The following RB1CC1 variants were observed in gnomAD, a reference collection of about 807,000 sequenced individuals.
RB1CC1 encodes the protein RB1 inducible coiled-coil 1.
Under a neutral mutation model 177.5 loss-of-function variants are expected in RB1CC1, and 46 were observed. The observed-to-expected ratio is 0.26, with a 90% CI of 0.20 to 0.33. RB1CC1 has a LOEUF of 0.33. Among genes scored for constraint, RB1CC1 ranks in the 10% least tolerant of loss-of-function variants. The pLI is 1.00. For missense variants in RB1CC1, 1,703 were observed against 1,816.3 expected (o/e 0.94, Z 1.13); for synonymous variants, 666 against 613.6 (o/e 1.09, Z -1.26).
Position 52,668,145 on chromosome 8 carries a change from G to C in RB1CC1, c.1049C>G (p.Thr350Ser). 6.2e-7 allele frequency: 1 copy of C among 1,614,022 alleles called. No homozygotes were observed. Among genetic ancestry groups the C allele is most frequent in the South Asian group, 1.1e-5 (1 of 91,086 alleles). Residue 350 changes from threonine to serine, a missense_variant, in exon 8 of 24, where the codon ACT becomes AGT. Transcript: ENST00000025008. ...IRPFIAECRQ[T>S]IAKLDNQNMK... The stretch of plus-strand genomic sequence containing the variant: ...ATTCTGATTATCAAGTTTGGCAATA[G>C]TTTGACGGCATTCTGCTATAAATGG...
At chr8:52,669,541 G>A (rs772102679) in intron 7 of RB1CC1, among the ~76,000 whole-genome samples, 24 of 152,152 alleles carry the variant, frequency 1.6e-4, no homozygotes, top group Non-Finnish European at 3.2e-4. Flanking sequence ...GTGTAGTTAA[G>A]AGGGTGCATG....
At chr8:52,711,722 G>T (rs780247129) in intron 1 of RB1CC1, among the ~76,000 whole-genome samples, 3 of 152,212 alleles carry the variant, frequency 2.0e-5, no homozygotes, top group Non-Finnish European at 4.4e-5. Context: ...GAGCACATTA[G>T]TTTCCTTACT....
At chr8:52,672,829 G>T (rs1294464139) in intron 7 of RB1CC1, among the ~76,000 whole-genome samples, 1 of 152,110 alleles carries the variant, frequency 6.6e-6, no homozygotes, top group Non-Finnish European at 1.5e-5. Context: ...GGAATTTTCA[G>T]GCCACTACAT....
intron 1 of RB1CC1, among the ~76,000 whole-genome samples, chr8:52,696,916 T>C (rs1290850836): frequency 2.0e-5 from 3 of 151,932 alleles, no homozygotes; most frequent in African/African-American, 7.3e-5. Context: ...GGTGGGAGGA[T>C]TGTTTCAGCC....
intron 20 of RB1CC1, among the ~76,000 whole-genome samples, chr8:52,631,745 C>T (rs936964013): frequency 6.6e-6 from 1 of 152,174 alleles, no homozygotes; most frequent in Non-Finnish European, 1.5e-5. Context: ...CGTGCTCAGT[C>T]CTCTCTTGCT....
chr8:52,674,227 C>G lies in RB1CC1; in HGVS notation c.620G>C (p.Cys207Ser). 1 of 1,612,100 alleles carries G rather than the reference C, an allele frequency of 6.2e-7. No homozygotes were observed. Residue 207 changes from cysteine to serine, a missense_variant, in exon 7 of 24, where the codon TGC becomes TCC. Transcript: ENST00000025008. ...SVMAKIPLLE[C>S]LTRHSYRECL... Reference sequence around the variant, plus strand: ...TTCTCTGTAACTATGTCTGGTTAGGCACTCCAACAGTGGAATCTTGGCCAT... The same window carrying G: ...TTCTCTGTAACTATGTCTGGTTAGGGACTCCAACAGTGGAATCTTGGCCAT...
rs1172334575 is a variant in RB1CC1, at chr8:52,676,264, CAATA to C, written c.572+101_572+104del. The C allele has an allele frequency of 9.2e-6, 9 of 977,820 alleles. No individual in the cohort carries two copies. The East Asian group carries it at 1.2e-4, about 13-fold the overall frequency. 60.6% of individuals were successfully genotyped at this position (977,820 alleles called of 1,614,324 possible). On this transcript the variant is annotated intron_variant, in intron 6 of 23. Transcript: ENST00000025008. ...AGGCTCAAAGAATAAACCTCAGTTACAATAAATATATGGCCTATAAGAAACAAAT... is the reference window on the plus strand; with the variant it reads ...AGGCTCAAAGAATAAACCTCAGTTACAATATATGGCCTATAAGAAACAAAT...
intron 1 of RB1CC1, among the ~76,000 whole-genome samples, chr8:52,712,321 T>C (rs1324768476): frequency 1.3e-5 from 2 of 152,150 alleles, no homozygotes; most frequent in Non-Finnish European, 2.9e-5. Flanking sequence ...CTGCTGAATG[T>C]ATGATATAAA....
chr8:52,699,858 T>TATATATATATATATATATACACAC (rs756226534), intron 1 of RB1CC1, among the ~76,000 whole-genome samples: 3 of 102,790 alleles, frequency 2.9e-5, no homozygotes, highest in Admixed American at 1.1e-4. Flanking sequence ...TATATATATA[T>TATATATATATATATATATACACAC]ACACACAAAA....
chr8:52,630,303 C>T (rs1025144881), intron 21 of RB1CC1, among the ~76,000 whole-genome samples, 167 bp downstream of exon 21: 1 of 152,036 alleles, frequency 6.6e-6, no homozygotes, highest in East Asian at 1.9e-4. Flanking sequence ...TCCAGAATAA[C>T]AATTTAGAAA....
intron 15 of RB1CC1, among the ~76,000 whole-genome samples, chr8:52,650,517 C>T (rs1850474358): frequency 6.6e-6 from 1 of 152,206 alleles, no homozygotes; most frequent in Admixed American, 6.5e-5. Context: ...CACCAGATTA[C>T]TATCCAGTCT....
intron 11 of RB1CC1, 90 bp downstream of exon 11, chr8:52,660,836 G>C: frequency 8.5e-7 from 1 of 1,169,914 alleles, no homozygotes; most frequent in Non-Finnish European, 1.2e-6. Context: ...GCAATTAACA[G>C]CATATACATG....
chr8:52,695,584 T>G (rs763437698), intron 1 of RB1CC1, among the ~76,000 whole-genome samples: 3 of 152,180 alleles, frequency 2.0e-5, no homozygotes. Flanking sequence ...AGGTGAGTCA[T>G]GTGGACAGTA....
At chr8:52,686,425 G>A (rs552148646) in intron 2 of RB1CC1, among the ~76,000 whole-genome samples, 4 of 152,080 alleles carry the variant, frequency 2.6e-5, no homozygotes, top group Non-Finnish European at 5.9e-5. Flanking sequence ...GCATGCCTGT[G>A]GTCCTAGCAA....
intron 15 of RB1CC1, among the ~76,000 whole-genome samples, chr8:52,647,936 G>A (rs1850202446): frequency 6.6e-6 from 1 of 152,102 alleles, no homozygotes. Context: ...AATTGTACTA[G>A]AAAAAGTGTG....
intron 21 of RB1CC1, 25 bp from the exon 22 acceptor site, chr8:52,628,193 T>G (rs776676207): frequency 2.5e-6 from 4 of 1,597,822 alleles, no homozygotes; most frequent in Non-Finnish European, 3.4e-6. Context: ...GCAATTTTAT[T>G]GACTTAGAGT....
At chr8:52,708,511 G>C (rs113799595) in intron 1 of RB1CC1, among the ~76,000 whole-genome samples, 7 of 150,950 alleles carry the variant, frequency 4.6e-5, no homozygotes, top group African/African-American at 1.7e-4. Context: ...AGCGAGACTC[G>C]TCTCAAAAAC....
chr8:52,687,922 A>T (rs187626089), intron 1 of RB1CC1, among the ~76,000 whole-genome samples: 1 of 152,356 alleles, frequency 6.6e-6, no homozygotes, highest in Admixed American at 6.5e-5. Context: ...TTGTTGTGGG[A>T]AGTCAGGGAC....
rs1848151246 is a variant in RB1CC1, at chr8:52,622,903, TTTA to T, written c.*876_*878del. On this transcript the variant is annotated 3_prime_UTR_variant, in exon 24 of 24. Transcript: ENST00000025008. The stretch of plus-strand genomic sequence containing the variant: ...GCACACACATTTACAGGTTCAAATC[TTTA>T]TTGTTTTAAAATTGTACAGTTCTTT... The T allele has an allele frequency of 6.6e-6, 1 of 152,134 alleles. No individual in the cohort carries two copies. Among genetic ancestry groups the T allele is most frequent in the South Asian group, 2.1e-4 (1 of 4,830 alleles). The allele number at this position is 152,134 out of a possible 1,614,324, so 9.4% of individuals were successfully genotyped here.
Sources: allele counts gnomAD v4.1 joint callset (sites outside exome capture counted in the v4.1 genomes callset), GRCh38; gene constraint gnomAD v4.1.1; transcripts MANE v1.5; gene names NCBI Gene and HGNC (gene_info 2026-07-23, HGNC 2026-07-21).